Variants in TFCP2 observed in about 807,000 individuals in gnomAD.
TFCP2 encodes transcription factor CP2.
TFCP2 carries 33 observed loss-of-function variants against 73.4 expected under a neutral mutation model. The ratio of observed to expected loss-of-function variants is 0.45; its 90% confidence interval spans 0.34 to 0.60. The LOEUF is 0.60. TFCP2 is among the 20% of genes least tolerant of loss of function. The pLI, the probability that TFCP2 is intolerant of heterozygous loss-of-function variation, is 0.01. For missense variants in TFCP2, 352 were observed against 604.0 expected, an observed-to-expected ratio of 0.58 and a Z score of 4.37; for synonymous variants, 193 against 211.6, an observed-to-expected ratio of 0.91 and a Z score of 0.76.
intron 1 of TFCP2, among the ~76,000 whole-genome samples, chr12:51,151,593 C>T (rs1466867510): frequency 6.6e-6 from 1 of 152,126 alleles, no homozygotes; most frequent in Admixed American, 6.5e-5. Flanking sequence ...CCCGCCACCA[C>T]GCCCGGCTAA....
chr12:51,150,926 G>C (rs770934278), intron 1 of TFCP2, among the ~76,000 whole-genome samples: 2 of 152,142 alleles, frequency 1.3e-5, no homozygotes, highest in African/African-American at 4.8e-5. Context: ...AAGTTGGGGA[G>C]AGAAGCCAAC....
intron 1 of TFCP2, among the ~76,000 whole-genome samples, chr12:51,135,193 G>C (rs568407193): frequency 1.3e-5 from 2 of 151,806 alleles, no homozygotes; most frequent in African/African-American, 2.4e-5. Context: ...TTGGGAGGCC[G>C]AGGCGGGCGG....
At chr12:51,102,375 T>C (rs555975805) in intron 10 of TFCP2, among the ~76,000 whole-genome samples, 3 of 151,930 alleles carry the variant, frequency 2.0e-5, no homozygotes, top group East Asian at 3.9e-4. Context: ...GCCAATCGAC[T>C]GTTAGGAGTT....
chr12:51,095,195 C>T lies in TFCP2; in HGVS notation c.*46G>A, dbSNP rs375659087. 9 of 1,606,918 alleles carry T rather than the reference C, an allele frequency of 5.6e-6. No homozygotes were observed. In the Admixed American group the frequency reaches 1.2e-4, roughly 21 times the overall value. ...TATCCCCCTTCAAGAGGGCCGTTTT[C>T]AGAGGTGAAGGAAGGAGCAGCCACT... On this transcript the variant is annotated 3_prime_UTR_variant, in exon 15 of 15. Transcript: ENST00000257915.
In TFCP2 at chr12:51,098,814, G is replaced by C; in HGVS notation, c.1381C>G (p.Gln461Glu). The change falls in exon 13 of 15, where the codon CAG becomes GAG. Residue 461 changes from glutamine to glutamate, a missense_variant. Physicochemically the swap from Gln to Glu is conservative, Grantham distance 29 (BLOSUM62 2). Transcript: ENST00000257915. The stretch of plus-strand genomic sequence containing the variant: ...AGCACATGAATTCCTGTTGGCCCCT[G>C]CTTGTAAATCTGGCTGATCTGGCAA... ...SPCQISQIYK[Q>E]GPTGIHVLIS... The C allele has an allele frequency of 1.9e-6, 3 of 1,614,108 alleles. No homozygotes were observed. Among genetic ancestry groups the C allele is most frequent in the Non-Finnish European group, 2.5e-6 (3 of 1,180,038 alleles).
chr12:51,142,680 T>C (rs928229477), intron 1 of TFCP2, among the ~76,000 whole-genome samples: 1 of 152,156 alleles, frequency 6.6e-6, no homozygotes, highest in Admixed American at 6.5e-5. Flanking sequence ...ACCATCACAT[T>C]TGAGTATTTC....
intron 1 of TFCP2, among the ~76,000 whole-genome samples, chr12:51,120,347 T>C (rs540177399): frequency 9.2e-5 from 14 of 152,156 alleles, no homozygotes; most frequent in Admixed American, 1.3e-4. Context: ...CTCACAGATA[T>C]AATGCTCGAC....
At chr12:51,095,813 C>CCA (rs1939949180) in intron 14 of TFCP2, among the ~76,000 whole-genome samples, 176 bp downstream of exon 14, 1 of 84,198 alleles carries the variant, frequency 1.2e-5, no homozygotes, top group Non-Finnish European at 2.1e-5. Flanking sequence ...GACTCTGTTT[C>CCA]AAAAAAAAAA....
At chr12:51,127,872 A>G (rs1396366534) in intron 1 of TFCP2, among the ~76,000 whole-genome samples, 1 of 152,118 alleles carries the variant, frequency 6.6e-6, no homozygotes, top group Non-Finnish European at 1.5e-5. Context: ...CATGATTCTA[A>G]TAATCCCAAA....
chr12:51,138,409 G>A (rs909614329), intron 1 of TFCP2, among the ~76,000 whole-genome samples: 4 of 151,998 alleles, frequency 2.6e-5, no homozygotes, highest in African/African-American at 7.3e-5. Context: ...CAACCGCCTC[G>A]GCCTCCCAAA....
At chr12:51,111,109 TTG>T (rs1230745845) in intron 4 of TFCP2, 126 bp from the exon 5 acceptor site, 3 of 605,054 alleles carry the variant, frequency 5.0e-6, no homozygotes, top group Non-Finnish European at 5.5e-6. Context: ...CTAAATTTCT[TTG>T]TTTTTTTTTT....
chr12:51,159,901 G>C (rs1384449551), intron 1 of TFCP2, among the ~76,000 whole-genome samples: 2 of 152,114 alleles, frequency 1.3e-5, no homozygotes, highest in African/African-American at 4.8e-5. Context: ...GATGTGGATG[G>C]GCAGCTGCTA....
intron 1 of TFCP2, among the ~76,000 whole-genome samples, chr12:51,169,722 A>AAAAAG (rs567765449): frequency 6.6e-6 from 1 of 152,170 alleles, no homozygotes; most frequent in Non-Finnish European, 1.5e-5. Flanking sequence ...GACCCGTCTC[A>AAAAAG]AAAAGAAAAG....
At chr12:51,145,200 CA>C (rs55642619) in intron 1 of TFCP2, among the ~76,000 whole-genome samples, 1,239 of 109,988 alleles carry the variant, frequency 0.011, 11 homozygotes, top group African/African-American at 0.038. Flanking sequence ...GACTTCATCT[CA>C]AAAAAAAAAA....
intron 1 of TFCP2, among the ~76,000 whole-genome samples, chr12:51,126,557 C>T (rs1302184220): frequency 1.3e-5 from 2 of 152,144 alleles, no homozygotes; most frequent in Non-Finnish European, 2.9e-5. Flanking sequence ...GTTCGAGATG[C>T]TCTGTTCTAG....
At chr12:51,127,137 G>T (rs1940834744) in intron 1 of TFCP2, among the ~76,000 whole-genome samples, 1 of 152,156 alleles carries the variant, frequency 6.6e-6, no homozygotes, top group South Asian at 2.1e-4. Context: ...AGAAGAAACT[G>T]ATCAGAAAAG....
chr12:51,131,612 T>G (rs530585800), intron 1 of TFCP2, among the ~76,000 whole-genome samples: 1 of 152,318 alleles, frequency 6.6e-6, no homozygotes, highest in East Asian at 1.9e-4. Flanking sequence ...TCTTCTAAAC[T>G]GTCTATGAAC....
chr12:51,150,664 GA>G (rs991407970), intron 1 of TFCP2, among the ~76,000 whole-genome samples: 12 of 151,812 alleles, frequency 7.9e-5, no homozygotes, highest in Admixed American at 7.2e-4. Flanking sequence ...GAGAAATGAA[GA>G]AAAAAAGTAC....
chr12:51,124,027 T>C (rs549690517), intron 1 of TFCP2, among the ~76,000 whole-genome samples: 18 of 152,234 alleles, frequency 1.2e-4, no homozygotes, highest in African/African-American at 3.4e-4. Context: ...ATAATGAAGT[T>C]CCCTCTGCTT....
Sources: allele counts gnomAD v4.1 joint callset (sites outside exome capture counted in the v4.1 genomes callset), GRCh38; gene constraint gnomAD v4.1.1; transcripts MANE v1.5; gene names NCBI Gene and HGNC (gene_info 2026-07-23, HGNC 2026-07-21).